Variants in PGAP1 observed in about 807,000 individuals in gnomAD.
PGAP1 encodes the protein post-GPI attachment to proteins inositol deacylase 1.
A neutral mutation model predicts 127.0 loss-of-function variants in PGAP1; 76 were observed. The observed-to-expected ratio is 0.60, with a 90% CI of 0.50 to 0.72. PGAP1 has a LOEUF of 0.72. Ranked by LOEUF, PGAP1 falls within the 30% of genes least tolerant of loss-of-function variation. The probability of loss-of-function intolerance (pLI) is 0.00; values close to 1 mark genes in which losing one functional copy is unlikely to be tolerated. For synonymous variants in PGAP1, 362 were observed against 366.5 expected (o/e 0.99, Z 0.14); for missense variants, 982 against 1,071.3 (o/e 0.92, Z 1.16).
In PGAP1 at chr2:196,926,595, G is replaced by C; in HGVS notation, c.22C>G (p.Leu8Val). ...AAGACATAAAACGCCAGGTTCCAGAGATTAACTGAGTGAAGAAACATGGTG... is the reference window on the plus strand; with the variant it reads ...AAGACATAAAACGCCAGGTTCCAGACATTAACTGAGTGAAGAAACATGGTG... Reference protein sequence around the residue: MFLHSVNLWNLAFYVFMV... With the variant: MFLHSVNVWNLAFYVFMV... Residue 8 changes from leucine to valine, a missense_variant, in exon 1 of 27, where the codon CTC (leucine) becomes GTC (valine). Coordinates refer to ENST00000354764, the MANE Select transcript of PGAP1 (RefSeq NM_024989.4). 1 of 1,614,224 alleles carries C rather than the reference G, an allele frequency of 6.2e-7. No homozygotes were observed. The highest frequency in any genetic ancestry group is 8.5e-7 in the Non-Finnish European group (1 of 1,180,030).
chr2:196,900,487 T>C (rs572375094), intron 5 of PGAP1, among the ~76,000 whole-genome samples: 9 of 152,342 alleles, frequency 5.9e-5, no homozygotes, highest in African/African-American at 2.2e-4. Context: ...AAAGGGAATA[T>C]ACATGTAGCT....
In PGAP1 at chr2:196,866,529, C is replaced by A. The variant is rs183977226; in HGVS notation, c.1768-1449G>T. Reference sequence around the variant, plus strand: ...AAACTATAAAAACCCTAGAAGAAAACCTAGGCAATACCATTCAGGACATAG... The same window carrying A: ...AAACTATAAAAACCCTAGAAGAAAAACTAGGCAATACCATTCAGGACATAG... On this transcript the variant is annotated intron_variant, in intron 19 of 26. Transcript: ENST00000354764. 9.1e-3 allele frequency among the ~76,000 whole-genome samples: 1,381 copies of A among 152,186 alleles called. 8 individuals are homozygous for A. Among genetic ancestry groups the A allele is most frequent in the Non-Finnish European group, 0.014 (928 of 67,998 alleles).
chr2:196,856,793 C>T (rs1700897418), intron 20 of PGAP1, among the ~76,000 whole-genome samples: 1 of 152,186 alleles, frequency 6.6e-6, no homozygotes. Context: ...GGATAATGGT[C>T]ATTTGATGTA....
rs991993301 is a variant in PGAP1, at chr2:196,837,150, G to A, written c.*4084C>T. 3 of 152,176 alleles carry A rather than the reference G, an allele frequency of 2.0e-5. No individual in the cohort carries two copies. Among genetic ancestry groups the A allele is most frequent in the African/African-American group, 7.2e-5 (3 of 41,442 alleles). The allele number at this position is 152,176 out of a possible 1,614,324, so 9.4% of individuals were successfully genotyped here. On this transcript the variant is annotated 3_prime_UTR_variant, in exon 27 of 27. Transcript: ENST00000354764. Reference sequence around the variant, plus strand: ...TGTGGGTCAACTGATTTATCTGGGGGTTCAGAAATCAACAGCCCTAGTTTA... The same window carrying A: ...TGTGGGTCAACTGATTTATCTGGGGATTCAGAAATCAACAGCCCTAGTTTA...
At chr2:196,878,505 T>TA (rs1483044642) in intron 13 of PGAP1, among the ~76,000 whole-genome samples, 6 of 152,158 alleles carry the variant, frequency 3.9e-5, no homozygotes, top group Non-Finnish European at 2.9e-5. Context: ...AGAAAGTTTT[T>TA]AGAGTTTGGA....
chr2:196,926,638 G>A lies in PGAP1; in HGVS notation c.-22C>T. 15 of 1,612,826 alleles carry A rather than the reference G, an allele frequency of 9.3e-6. No homozygotes were observed. Among genetic ancestry groups the A allele is most frequent in the Non-Finnish European group, 1.3e-5 (15 of 1,179,400 alleles). On this transcript the variant is annotated 5_prime_UTR_variant, in exon 1 of 27. Transcript: ENST00000354764. ...ACATGGTGCCGCCACCACCGCCGCC[G>A]CCGCCGCCGCCCCCTCTACCTCCTT...
intron 13 of PGAP1, 91 bp downstream of exon 13, chr2:196,879,985 A>T (rs1210285527): frequency 2.2e-6 from 2 of 889,446 alleles, no homozygotes; most frequent in Non-Finnish European, 3.6e-6. Context: ...TGTTTTAGAT[A>T]AACTGTGCAG....
intron 4 of PGAP1, 137 bp downstream of exon 4, chr2:196,912,745 G>A: frequency 1.6e-6 from 1 of 619,568 alleles, no homozygotes; most frequent in South Asian, 3.6e-5. Context: ...ACTCAGAATT[G>A]GAGGTGCTGA....
intron 14 of PGAP1, among the ~76,000 whole-genome samples, chr2:196,874,270 T>A (rs763977747): frequency 2.3e-4 from 35 of 152,044 alleles, no homozygotes; most frequent in Non-Finnish European, 4.3e-4. Context: ...CAAAAATATA[T>A]ATAATGATAG....
At chr2:196,842,666 AG>A in intron 26 of PGAP1, 54 bp downstream of exon 26, 1 of 815,606 alleles carries the variant, frequency 1.2e-6, no homozygotes, top group Non-Finnish European at 1.9e-6. Context: ...TTAGATATAA[AG>A]GGGGAAAAAG....
chr2:196,850,261 C>T (rs1700680434), intron 20 of PGAP1, among the ~76,000 whole-genome samples: 2 of 152,318 alleles, frequency 1.3e-5, no homozygotes, highest in East Asian at 1.9e-4. Flanking sequence ...TAACCCTGCA[C>T]ATATACCTTT....
chr2:196,849,061 T>C (rs977741479), intron 20 of PGAP1, among the ~76,000 whole-genome samples: 4 of 152,152 alleles, frequency 2.6e-5, no homozygotes, highest in African/African-American at 9.7e-5. Flanking sequence ...ACATATTTAA[T>C]TGGCTGGATA....
chr2:196,887,271 C>G (rs374258647), intron 10 of PGAP1, among the ~76,000 whole-genome samples: 1 of 152,080 alleles, frequency 6.6e-6, no homozygotes, highest in African/African-American at 2.4e-5. Flanking sequence ...GTAGTCCCAG[C>G]TACTCAAGAG....
intron 3 of PGAP1, among the ~76,000 whole-genome samples, chr2:196,914,068 TC>T (rs1702923008): frequency 6.6e-6 from 1 of 152,096 alleles, no homozygotes; most frequent in South Asian, 2.1e-4. Context: ...CTTGGTGATC[TC>T]CAATACAGAC....
At chr2:196,898,470 T>C in intron 5 of PGAP1, 101 bp from the exon 6 acceptor site, 1 of 736,566 alleles carries the variant, frequency 1.4e-6, no homozygotes, top group South Asian at 1.8e-5. Flanking sequence ...CATAATATAG[T>C]TTCACTATAT....
intron 20 of PGAP1, among the ~76,000 whole-genome samples, chr2:196,851,011 A>G (rs1700701055): frequency 1.3e-5 from 2 of 152,174 alleles, no homozygotes; most frequent in African/African-American, 4.8e-5. Flanking sequence ...CTCCAAACAT[A>G]GAAAATGCAA....
intron 12 of PGAP1, among the ~76,000 whole-genome samples, chr2:196,884,746 G>C (rs1350683033): frequency 6.6e-6 from 1 of 152,158 alleles, no homozygotes; most frequent in East Asian, 1.9e-4. Context: ...TTTACTTGAA[G>C]ACTGAAAACT....
At chr2:196,893,266 T>C in intron 7 of PGAP1, 21 bp from the exon 8 acceptor site, 1 of 1,255,024 alleles carries the variant, frequency 8.0e-7, no homozygotes, top group Non-Finnish European at 1.2e-6. Context: ...CATTGATACA[T>C]TCTGTATCAT....
At position 196,845,981 on chromosome 2, in the gene PGAP1, T is replaced by C. The variant is rs1182570065; in HGVS notation, c.2187A>G (p.Ser729=). 1.2e-6 allele frequency: 2 copies of C among 1,602,762 alleles called. No homozygotes were observed. The highest frequency in any genetic ancestry group is 1.7e-5 in the Admixed American group (1 of 59,834). Residue 729 remains serine (S), a synonymous_variant, in exon 23 of 27, where the codon TCA becomes TCG. Transcript: ENST00000354764. ...SELPKDIKMI[S]PDLPFLTIVL... is the part of the protein sequence containing the mutation. Reference sequence around the variant, plus strand: ...CAATTGTCAAAAAGGGCAAGTCTGGTGATATCATCTTGATATCTTTAGGAA... The same window carrying C: ...CAATTGTCAAAAAGGGCAAGTCTGGCGATATCATCTTGATATCTTTAGGAA...
Sources: gnomAD v4.1 joint callset for allele counts (sites outside exome capture counted in the v4.1 genomes callset) on GRCh38, gnomAD v4.1.1 for gene constraint, MANE v1.5 for transcripts, NCBI Gene and HGNC (gene_info 2026-07-23, HGNC 2026-07-21) for gene names.